The following CD82 variants were observed in gnomAD, a reference collection of about 807,000 sequenced individuals.
The protein encoded by CD82 is CD82 antigen.
In CD82, 36 loss-of-function variants were observed where a neutral mutation model predicts 37.4. The observed-to-expected ratio is 0.96, with a 90% CI of 0.74 to 1.27. CD82 has a LOEUF of 1.27. CD82 is among the 50% of genes most tolerant of loss of function. The probability of loss-of-function intolerance (pLI) is 0.00; values close to 1 mark genes in which losing one functional copy is unlikely to be tolerated. For missense variants in CD82, 340 were observed against 347.0 expected (o/e 0.98, Z 0.16); for synonymous variants, 158 against 137.4 (o/e 1.15, Z -1.05).
At chr11:44,576,532 G>A (rs12802493) in intron 1 of CD82, among the ~76,000 whole-genome samples, 12,667 of 152,152 alleles carry the variant, frequency 0.083, 660 homozygotes, top group Middle Eastern at 0.14. Flanking sequence ...TGCCCCACCC[G>A]CCATCCACGC....
Position 44,584,106 on chromosome 11 carries a change from G to A in CD82, c.-102-3369G>A, listed in dbSNP as rs537576789. ...CTCACTTTGTGGTGAGGAGCTGACAGTGACCCCAAAGCTCCTTCCATGTCA... is the reference window on the plus strand; with the variant it reads ...CTCACTTTGTGGTGAGGAGCTGACAATGACCCCAAAGCTCCTTCCATGTCA... On this transcript the variant is annotated intron_variant, in intron 1 of 9. Coordinates refer to ENST00000227155, the MANE Select transcript of CD82 (RefSeq NM_002231.4). Among the ~76,000 whole-genome samples the A allele has an allele frequency of 1.1e-3, 169 of 152,284 alleles. 1 individual carries two copies. Among genetic ancestry groups the A allele is most frequent in the African/African-American group, 3.9e-3 (162 of 41,558 alleles).
chr11:44,612,283 G>A (rs548392332), intron 6 of CD82, among the ~76,000 whole-genome samples: 143 of 152,300 alleles, frequency 9.4e-4, no homozygotes, highest in African/African-American at 3.3e-3. Context: ...CACTTCTTCC[G>A]CATGTTGGCT....
intron 3 of CD82, chr11:44,596,999 G>A (rs1362708970): frequency 2.6e-5 from 12 of 456,136 alleles, no homozygotes; most frequent in Non-Finnish European, 4.0e-5. Flanking sequence ...GGTTCTGGGT[G>A]TGGCTTTGGA....
rs1853241463 is a variant in CD82, at chr11:44,597,187, C to G, written c.63+2462C>G. Among the ~76,000 whole-genome samples, 1 of 152,208 alleles carries G rather than the reference C, an allele frequency of 6.6e-6. No individual in the cohort carries two copies. Among genetic ancestry groups the G allele is most frequent in the African/African-American group, 2.4e-5 (1 of 41,450 alleles). ...TGCTCGCGCCTGCGTGCATGTGCACCTGTATGTCTTTGCCTGTACTCCCTC... is the reference window on the plus strand; with the variant it reads ...TGCTCGCGCCTGCGTGCATGTGCACGTGTATGTCTTTGCCTGTACTCCCTC... On this transcript the variant is annotated intron_variant, in intron 3 of 9. Transcript: ENST00000227155. The surrounding 1 kb of genome is among the most constrained non-coding windows in gnomAD (Gnocchi z 4.1).
rs1467443826 is a variant in CD82 at position 44,600,305 on chromosome 11, C to T, written c.136+75C>T. On this transcript the variant is annotated intron_variant, in intron 4 of 9. Transcript: ENST00000227155. ...GCCAGGGCGCAGATACAGCTGCTCCCATAAGTGCTTCGGCTTCAATGCCTG... is the reference window on the plus strand; with the variant it reads ...GCCAGGGCGCAGATACAGCTGCTCCTATAAGTGCTTCGGCTTCAATGCCTG... 3 of 1,395,712 alleles carry T rather than the reference C, an allele frequency of 2.1e-6. No individual in the cohort carries two copies. The South Asian group carries it at 3.5e-5, about 16-fold the overall frequency. 86.5% of individuals were successfully genotyped at this position (1,395,712 alleles called of 1,614,324 possible). A position where few individuals can be genotyped will look rare whatever the true frequency, so the allele number is the denominator to read the frequency against.
chr11:44,576,565 A>G (rs1304567785), intron 1 of CD82, among the ~76,000 whole-genome samples: 2 of 152,176 alleles, frequency 1.3e-5, no homozygotes, highest in African/African-American at 4.8e-5. Context: ...CCCAAGGGTC[A>G]AAGCTCTCTT....
chr11:44,618,062 T>C (rs1037070979), intron 7 of CD82, 100 bp from the exon 8 acceptor site: 1 of 972,056 alleles, frequency 1.0e-6, no homozygotes, highest in African/African-American at 1.6e-5. Context: ...GGAAGTGGCA[T>C]ATCTCAGTCT....
intron 7 of CD82, among the ~76,000 whole-genome samples, chr11:44,616,765 C>T (rs1853570442): frequency 6.6e-6 from 1 of 152,230 alleles, no homozygotes. Context: ...CATGGAGACA[C>T]AGGCGGAGGT....
intron 4 of CD82, 132 bp from the exon 5 acceptor site, chr11:44,604,926 A>T: frequency 7.7e-7 from 1 of 1,291,322 alleles, no homozygotes. Flanking sequence ...GGGCAGTGAG[A>T]AGCCAGCAGG....
In CD82 at chr11:44,605,628, C is replaced by T. The variant is rs563705567; in HGVS notation, c.336+199C>T. Among the ~76,000 whole-genome samples the T allele has an allele frequency of 3.5e-4, 54 of 152,234 alleles. 1 individual carries two copies. The highest frequency in any genetic ancestry group is 1.3e-3 in the African/African-American group (54 of 41,548). ...GAAGGCGGCAGGTGTGGGCAGTCCCCGCTGGGCCTGGATCTTAGCCTGACC... is the reference window on the plus strand; with the variant it reads ...GAAGGCGGCAGGTGTGGGCAGTCCCTGCTGGGCCTGGATCTTAGCCTGACC... On this transcript the variant is annotated intron_variant, in intron 6 of 9. Coordinates refer to ENST00000227155, the MANE Select transcript of CD82 (RefSeq NM_002231.4).
intron 6 of CD82, among the ~76,000 whole-genome samples, chr11:44,610,072 G>A (rs1853458552): frequency 6.6e-6 from 1 of 152,182 alleles, no homozygotes; most frequent in African/African-American, 2.4e-5. Flanking sequence ...GAGAGGACAG[G>A]AAGATGTGGG....
intron 3 of CD82, among the ~76,000 whole-genome samples, chr11:44,596,062 C>CT (rs977174745): frequency 1.3e-5 from 2 of 152,258 alleles, no homozygotes; most frequent in African/African-American, 2.4e-5. Flanking sequence ...GCCTGCCTTG[C>CT]TTTTTTTCCA....
chr11:44,598,211 C>T (rs1853256076), intron 3 of CD82, among the ~76,000 whole-genome samples: 4 of 152,000 alleles, frequency 2.6e-5, no homozygotes, highest in Admixed American at 2.0e-4. Flanking sequence ...GGGTGGTCAC[C>T]GTGCCTTTGT....
intron 1 of CD82, among the ~76,000 whole-genome samples, chr11:44,583,994 TG>T (rs1440427703): frequency 6.6e-6 from 1 of 152,178 alleles, no homozygotes; most frequent in African/African-American, 2.4e-5. Flanking sequence ...GGAGGCACTT[TG>T]GGCTCTGAAA....
intron 1 of CD82, among the ~76,000 whole-genome samples, chr11:44,577,428 T>C (rs1296535765): frequency 6.6e-6 from 1 of 152,058 alleles, no homozygotes; most frequent in Non-Finnish European, 1.5e-5. Flanking sequence ...CCGACTCAAC[T>C]CTCTCGGGTT....
At chr11:44,593,994 TACACACAC>T (rs10532667) in intron 2 of CD82, among the ~76,000 whole-genome samples, 1 of 151,246 alleles carries the variant, frequency 6.6e-6, no homozygotes, top group East Asian at 1.9e-4. Context: ...CCATTTGTTA[TACACACAC>T]ACACACACAC....
rs754976758 is a variant in CD82, at chr11:44,597,016, G to A, written c.63+2291G>A. ...TTCTGGGTGTGGCTTTGGAGAGGGG[G>A]ATCCTGGCAGCAGGGGCAGCCGGTG... is the stretch of plus-strand genomic sequence containing the variant. On this transcript the variant is annotated intron_variant, in intron 3 of 9. Coordinates refer to ENST00000227155, the MANE Select transcript of CD82 (RefSeq NM_002231.4). The surrounding 1 kb of genome is among the most constrained non-coding windows in gnomAD (Gnocchi z 4.1). 13 of 455,968 alleles carry A rather than the reference G, an allele frequency of 2.9e-5. No homozygotes were observed. Among genetic ancestry groups the A allele is most frequent in the Non-Finnish European group, 5.7e-5 (13 of 226,942 alleles). The allele number at this position is 455,968 out of a possible 1,614,324, so 28.2% of individuals were successfully genotyped here.
chr11:44,587,709 G>A (rs1853077597), intron 2 of CD82, 153 bp downstream of exon 2: 2 of 415,266 alleles, frequency 4.8e-6, no homozygotes, highest in Non-Finnish European at 9.8e-6. Context: ...GGCTCCTACA[G>A]CATTTAGAGT....
intron 4 of CD82, among the ~76,000 whole-genome samples, chr11:44,600,528 C>T (rs776513520): frequency 5.3e-5 from 8 of 152,316 alleles, no homozygotes; most frequent in Admixed American, 1.3e-4. Flanking sequence ...CTTAGGAAAG[C>T]CTCTTACATT....
Sources: allele counts gnomAD v4.1 joint callset (sites outside exome capture counted in the v4.1 genomes callset), GRCh38; gene constraint gnomAD v4.1.1; non-coding constraint Gnocchi (gnomAD v3.1); transcripts MANE v1.5; gene names NCBI Gene and HGNC (gene_info 2026-07-23, HGNC 2026-07-21).